The following XIRP2 variants were observed in gnomAD, a reference collection of about 807,000 sequenced individuals.
The protein encoded by XIRP2 is xin actin binding repeat containing 2.
A neutral mutation model predicts 277.0 loss-of-function variants in XIRP2; 236 were observed. The observed-to-expected ratio is 0.85, with a 90% CI of 0.77 to 0.95. The LOEUF (loss-of-function observed/expected upper bound fraction) is 0.95. XIRP2 is among the 40% of genes least tolerant of loss of function. XIRP2 has a pLI of 0.00. For missense variants in XIRP2, 4,640 were observed against 4,157.5 expected, an observed-to-expected ratio of 1.12 and a Z score of -3.19; for synonymous variants, 1,490 against 1,416.5, an observed-to-expected ratio of 1.05 and a Z score of -1.17.
intron 3 of XIRP2, among the ~76,000 whole-genome samples, chr2:167,190,566 TAAA>T (rs1314664398): frequency 1.3e-5 from 2 of 152,176 alleles, no homozygotes; most frequent in African/African-American, 4.8e-5. Context: ...AATTCCAGAG[TAAA>T]AATTTCTTAC....
intron 3 of XIRP2, among the ~76,000 whole-genome samples, chr2:167,153,069 A>G (rs1490256548): frequency 2.6e-5 from 4 of 152,100 alleles, no homozygotes; most frequent in Non-Finnish European, 5.9e-5. Context: ...CTACATACCC[A>G]TATGTGCCCT....
intron 3 of XIRP2, among the ~76,000 whole-genome samples, chr2:167,181,457 C>G (rs1246749913): frequency 6.6e-6 from 1 of 152,192 alleles, no homozygotes; most frequent in Non-Finnish European, 1.5e-5. Flanking sequence ...TCTTTGTCTT[C>G]TTCAAATTCT....
intron 2 of XIRP2, among the ~76,000 whole-genome samples, chr2:166,928,522 T>C (rs1296131652): frequency 6.6e-6 from 1 of 152,194 alleles, no homozygotes; most frequent in Non-Finnish European, 1.5e-5. Context: ...TGATGACTGA[T>C]GATGTATTCC....
At chr2:167,009,451 A>G (rs1435463462) in intron 2 of XIRP2, among the ~76,000 whole-genome samples, 1 of 151,786 alleles carries the variant, frequency 6.6e-6, no homozygotes, top group East Asian at 1.9e-4. Context: ...CATTTTCTTA[A>G]TCCAGTGTAT....
intron 3 of XIRP2, among the ~76,000 whole-genome samples, chr2:167,179,323 GTTTT>G (rs374760800): frequency 1.7e-5 from 2 of 120,508 alleles, no homozygotes. Context: ...TTTTTTTCTT[GTTTT>G]TTTTTTTTTT....
rs78910455 is a variant in XIRP2, at chr2:167,017,902, C to T, written c.408+114012C>T. The stretch of plus-strand genomic sequence containing the variant: ...CAGTTTTCCCAACCAGATCCATGAC[C>T]TTAACAGAAAAGACCTTTTTACTGC... On this transcript the variant is annotated intron_variant, in intron 2 of 10. Coordinates refer to ENST00000409195, the MANE Select transcript of XIRP2 (RefSeq NM_152381.6). Among the ~76,000 whole-genome samples, 924 of 152,076 alleles carry T rather than the reference C, an allele frequency of 6.1e-3. 77 individuals carry two copies. The East Asian group carries it at 0.16, about 26-fold the overall frequency.
chr2:167,258,673 TAAC>T lies in XIRP2; in HGVS notation c.*859_*861del, dbSNP rs768513901. 5.0e-6 allele frequency: 8 copies of T among 1,611,632 alleles called. No homozygotes were observed. The highest frequency in any genetic ancestry group is 3.4e-5 in the Admixed American group (2 of 59,626). ...AAGAAAATTTGAATAAGAATAATAA[TAAC>T]AATTATGTAGCAGTCTCATATCTGA... On this transcript the variant is annotated 3_prime_UTR_variant, in exon 11 of 11. Transcript: ENST00000409195.
rs751721363 is a variant in XIRP2 at position 167,246,473 on chromosome 2, T to C, written c.5081T>C (p.Leu1694Pro). Residue 1694 changes from leucine (L) to proline (P), a missense_variant, in exon 9 of 11, where the codon CTT becomes CCT. Leu to Pro is a moderately conservative substitution (Grantham distance 98). Coordinates refer to ENST00000409195, the MANE Select transcript of XIRP2 (RefSeq NM_152381.6). Reference protein sequence around the residue: ...KGDINMTIYCLLHENDGDTIE... With the variant: ...KGDINMTIYCPLHENDGDTIE... Reference sequence around the variant, plus strand: ...GATATTAACATGACTATCTATTGTCTTCTTCATGAAAATGATGGTGACACA... The same window carrying C: ...GATATTAACATGACTATCTATTGTCCTCTTCATGAAAATGATGGTGACACA... The C allele has an allele frequency of 6.8e-6, 11 of 1,613,640 alleles. No homozygotes were observed. The African/African-American group carries it at 1.1e-4, about 16-fold the overall frequency.
chr2:167,114,569 A>T (rs1435364617), intron 2 of XIRP2, among the ~76,000 whole-genome samples: 2 of 151,988 alleles, frequency 1.3e-5, no homozygotes, highest in Non-Finnish European at 2.9e-5. Flanking sequence ...AGCATTAGGT[A>T]TATCTCCTAA....
intron 3 of XIRP2, among the ~76,000 whole-genome samples, chr2:167,162,979 T>A (rs980668779): frequency 1.3e-5 from 2 of 152,228 alleles, no homozygotes; most frequent in African/African-American, 4.8e-5. Context: ...TCATCCATGT[T>A]GATAAATGTT....
chr2:166,890,728 T>C (rs921272404), intron 1 of XIRP2, among the ~76,000 whole-genome samples: 1 of 152,188 alleles, frequency 6.6e-6, no homozygotes, highest in African/African-American at 2.4e-5. Flanking sequence ...TAACAGGTAT[T>C]GTCTGGTACG....
intron 1 of XIRP2, among the ~76,000 whole-genome samples, chr2:166,889,145 C>T (rs1175426011): frequency 6.6e-6 from 1 of 152,162 alleles, no homozygotes; most frequent in Non-Finnish European, 1.5e-5. Context: ...GGCACAACCA[C>T]CCACTAACAT....
At chr2:167,210,918 G>A in intron 4 of XIRP2, 23 bp downstream of exon 4, 1 of 1,613,124 alleles carries the variant, frequency 6.2e-7, no homozygotes, top group African/African-American at 1.3e-5. Flanking sequence ...TAATGGTTTT[G>A]CACTAGGCAA....
intron 2 of XIRP2, among the ~76,000 whole-genome samples, chr2:167,036,653 A>T (rs1403570891): frequency 6.6e-6 from 1 of 152,076 alleles, no homozygotes; most frequent in Non-Finnish European, 1.5e-5. Flanking sequence ...ATGAGTTAAG[A>T]CTTCGGGGGA....
intron 2 of XIRP2, among the ~76,000 whole-genome samples, chr2:167,092,227 A>G (rs1690168000): frequency 6.6e-6 from 1 of 152,118 alleles, no homozygotes; most frequent in Admixed American, 6.5e-5. Flanking sequence ...TGCTCACTTT[A>G]TAAATACTTT....
intron 2 of XIRP2, among the ~76,000 whole-genome samples, chr2:166,954,130 A>G (rs1437848931): frequency 6.6e-6 from 1 of 151,878 alleles, no homozygotes; most frequent in Non-Finnish European, 1.5e-5. Flanking sequence ...GGACCACAAA[A>G]ATGACCATGT....
At chr2:167,009,431 A>C (rs1687602008) in intron 2 of XIRP2, among the ~76,000 whole-genome samples, 1 of 151,942 alleles carries the variant, frequency 6.6e-6, no homozygotes, top group African/African-American at 2.4e-5. Context: ...TCCATGGTGT[A>C]TATGTGCCAC....
chr2:166,893,343 C>T (rs1207583303), intron 1 of XIRP2, among the ~76,000 whole-genome samples: 1 of 152,058 alleles, frequency 6.6e-6, no homozygotes, highest in Non-Finnish European at 1.5e-5. Context: ...CTGCCTCAAT[C>T]CCAATACACC....
intron 2 of XIRP2, among the ~76,000 whole-genome samples, chr2:166,982,265 G>A (rs909434527): frequency 2.0e-5 from 3 of 149,586 alleles, no homozygotes; most frequent in Non-Finnish European, 4.4e-5. Context: ...AAGTGCATCA[G>A]GTTTTTAATT....
Sources: allele counts gnomAD v4.1 joint callset (sites outside exome capture counted in the v4.1 genomes callset), GRCh38; gene constraint gnomAD v4.1.1; transcripts MANE v1.5; gene names NCBI Gene and HGNC (gene_info 2026-07-23, HGNC 2026-07-21).